RNLS: variants seen among roughly 807,000 people sequenced by gnomAD.
RNLS encodes the protein renalase.
In RNLS, 39 loss-of-function variants were observed where a neutral mutation model predicts 39.8. The ratio of observed to expected loss-of-function variants is 0.98; its 90% CI spans 0.76 to 1.28. RNLS has a LOEUF of 1.28. Ranked by LOEUF, RNLS falls within the 50% of genes most tolerant of loss-of-function variation. RNLS has a pLI of 0.00. For missense variants in RNLS, 410 were observed against 413.3 expected (o/e 0.99, Z 0.07); for synonymous variants, 147 against 150.7 (o/e 0.98, Z 0.18).
At chr10:88,536,319 A>G (rs1847754055) in intron 4 of RNLS, among the ~76,000 whole-genome samples, 1 of 152,166 alleles carries the variant, frequency 6.6e-6, no homozygotes, top group Non-Finnish European at 1.5e-5. Flanking sequence ...GCAACCGTCA[A>G]TTCTCAGCCC....
chr10:88,393,032 G>T (rs1375304440), intron 4 of RNLS, among the ~76,000 whole-genome samples: 1 of 152,084 alleles, frequency 6.6e-6, no homozygotes, highest in Non-Finnish European at 1.5e-5. Flanking sequence ...GGTATTGATG[G>T]AACGTATCTC....
intron 4 of RNLS, among the ~76,000 whole-genome samples, chr10:88,479,790 T>A (rs1272542412): frequency 8.0e-6 from 1 of 124,822 alleles, no homozygotes; most frequent in African/African-American, 2.7e-5. Flanking sequence ...CTTTTCTTTT[T>A]TTCTTTTTTT....
chr10:88,420,719 T>C (rs1854354555), intron 4 of RNLS, among the ~76,000 whole-genome samples: 1 of 152,244 alleles, frequency 6.6e-6, no homozygotes, highest in Non-Finnish European at 1.5e-5. Context: ...AGATAACATT[T>C]ACAGATTCCA....
chr10:88,256,864 C>G, the RNLS span, among the ~76,000 whole-genome samples: 1 of 152,194 alleles, frequency 6.6e-6, no homozygotes, highest in Admixed American at 6.5e-5. Context: ...CCTCACTCCT[C>G]TGACATCTCG....
chr10:88,209,556 T>C, the RNLS span, among the ~76,000 whole-genome samples: 1 of 152,178 alleles, frequency 6.6e-6, no homozygotes, highest in Non-Finnish European at 1.5e-5. Flanking sequence ...TGATTTCAAA[T>C]TACTAACTTC....
At chr10:88,346,559 A>G (rs983938289) in intron 5 of RNLS, among the ~76,000 whole-genome samples, 14 of 152,276 alleles carry the variant, frequency 9.2e-5, no homozygotes, top group African/African-American at 3.1e-4. Flanking sequence ...ACAGACATCT[A>G]GACTGTTTTA....
In RNLS at chr10:88,284,724, T is replaced by C. The variant is rs1372958104; in HGVS notation, c.*630A>G. On this transcript the variant is annotated 3_prime_UTR_variant, in exon 7 of 7. Transcript: ENST00000331772. ...TGAAAGTTAAAAAGTACTGTGTGGC[T>C]GGGAAAATCATGTGGAATCTTATAC... 2.0e-6 allele frequency: 2 copies of C among 985,244 alleles called. No individual in the cohort carries two copies. Among genetic ancestry groups the C allele is most frequent in the African/African-American group, 3.5e-5 (2 of 57,224 alleles). 61.0% of individuals were successfully genotyped at this position (985,244 alleles called of 1,614,324 possible).
chr10:88,563,694 G>A (rs1257411305), intron 4 of RNLS, among the ~76,000 whole-genome samples: 1 of 152,098 alleles, frequency 6.6e-6, no homozygotes, highest in Non-Finnish European at 1.5e-5. Context: ...AAAGGAGTGG[G>A]ATGGTATACA....
intron 4 of RNLS, among the ~76,000 whole-genome samples, chr10:88,511,330 A>T (rs2134155499): frequency 6.6e-6 from 1 of 152,250 alleles, no homozygotes; most frequent in African/African-American, 2.4e-5. Flanking sequence ...TGATAATGGC[A>T]TGACTTTTGG....
At chr10:88,520,318 A>G (rs896092491) in intron 4 of RNLS, among the ~76,000 whole-genome samples, 27 of 152,028 alleles carry the variant, frequency 1.8e-4, no homozygotes, top group Non-Finnish European at 4.0e-4. Flanking sequence ...AACAATTATT[A>G]AAGTTTTGTT....
intron 4 of RNLS, among the ~76,000 whole-genome samples, chr10:88,407,530 A>G (rs571222337): frequency 2.6e-5 from 4 of 152,170 alleles, no homozygotes; most frequent in African/African-American, 7.2e-5. Context: ...AATTAAGGTA[A>G]CTAATTATCA....
chr10:88,224,444 T>G, the RNLS span, among the ~76,000 whole-genome samples: 1 of 152,174 alleles, frequency 6.6e-6, no homozygotes, highest in Admixed American at 6.5e-5. Context: ...CCATGAAGGT[T>G]TTGAAAACTA....
rs1298992030 is a variant in RNLS, at chr10:88,575,120, C to T, written c.368-2059G>A. 6.6e-5 allele frequency among the ~76,000 whole-genome samples: 5 copies of T among 76,228 alleles called. No homozygotes were observed. The South Asian group carries it at 3.0e-3, about 45-fold the overall frequency. The allele number at this position is 76,228 out of a possible 152,430, so 50.0% of individuals were successfully genotyped here. On this transcript the variant is annotated intron_variant, in intron 3 of 6. Transcript: ENST00000331772. ...ATCCCAATGGCCACAAGGTGTTCTG[C>T]AAAGTATATATATATATATATATAT...
At chr10:88,536,368 G>A (rs1329768147) in intron 4 of RNLS, among the ~76,000 whole-genome samples, 1 of 152,086 alleles carries the variant, frequency 6.6e-6, no homozygotes. Flanking sequence ...TTTCTCGCTT[G>A]AATCACTACA....
intron 6 of RNLS, among the ~76,000 whole-genome samples, chr10:88,312,615 T>A (rs1185814424): frequency 1.3e-5 from 2 of 152,190 alleles, no homozygotes; most frequent in African/African-American, 4.8e-5. Flanking sequence ...TTATTTCATC[T>A]CTGTGAGGCT....
chr10:88,463,524 C>T (rs1843046153), intron 4 of RNLS, among the ~76,000 whole-genome samples: 1 of 151,924 alleles, frequency 6.6e-6, no homozygotes. Flanking sequence ...TACAGCATCC[C>T]TGGCAAACTC....
chr10:88,183,245 T>G, the RNLS span, among the ~76,000 whole-genome samples: 16 of 152,224 alleles, frequency 1.1e-4, no homozygotes, highest in Non-Finnish European at 1.6e-4. Context: ...ACAAATGAAT[T>G]AATGAATAAA....
At chr10:88,439,636 G>C (rs1311950346) in intron 4 of RNLS, among the ~76,000 whole-genome samples, 1 of 152,212 alleles carries the variant, frequency 6.6e-6, no homozygotes, top group Non-Finnish European at 1.5e-5. Flanking sequence ...ACACGCTGGA[G>C]TTGGAAGATC....
At chr10:88,192,377 G>A in the RNLS span, among the ~76,000 whole-genome samples, 1 of 152,248 alleles carries the variant, frequency 6.6e-6, no homozygotes, top group East Asian at 1.9e-4. Context: ...CCCATGAAAT[G>A]TTGGTAGATA....
Sources: allele counts gnomAD v4.1 joint callset (sites outside exome capture counted in the v4.1 genomes callset), GRCh38; gene constraint gnomAD v4.1.1; transcripts MANE v1.5; gene names NCBI Gene and HGNC (gene_info 2026-07-23, HGNC 2026-07-21).